The following ADAMTSL1 variants were observed in gnomAD, a reference collection of about 807,000 sequenced individuals.
ADAMTSL1 encodes ADAMTS-like protein 1.
In ADAMTSL1, 126 loss-of-function variants were observed where a neutral mutation model predicts 201.8. The observed-to-expected ratio is 0.62, with a 90% CI of 0.54 to 0.72. The LOEUF (loss-of-function observed/expected upper bound fraction) is 0.72. Among genes scored for constraint, ADAMTSL1 ranks in the 30% least tolerant of loss-of-function variants. ADAMTSL1 has a pLI of 0.00. For synonymous variants in ADAMTSL1, 1,121 were observed against 903.4 expected, an observed-to-expected ratio of 1.24 and a Z score of -4.32; for missense variants, 2,679 against 2,277.8, an observed-to-expected ratio of 1.18 and a Z score of -3.59.
At chr9:17,967,782 T>C (rs73416887) in intron 1 of ADAMTSL1, among the ~76,000 whole-genome samples, 12 of 152,234 alleles carry the variant, frequency 7.9e-5, no homozygotes, top group African/African-American at 2.9e-4. Context: ...TTGGTTCTTA[T>C]AGTAAATAAT....
intron 19 of ADAMTSL1, among the ~76,000 whole-genome samples, chr9:18,787,064 G>C (rs1318320381): frequency 6.6e-6 from 1 of 152,158 alleles, no homozygotes; most frequent in Non-Finnish European, 1.5e-5. Flanking sequence ...CTATGTACAA[G>C]TCATAAGCAC....
At chr9:18,301,273 T>C (rs1413757567) in intron 2 of ADAMTSL1, among the ~76,000 whole-genome samples, 1 of 152,178 alleles carries the variant, frequency 6.6e-6, no homozygotes, top group African/African-American at 2.4e-5. Context: ...GAAATACAGT[T>C]CATTAGAATA....
At chr9:18,164,756 A>G (rs1827559016) in intron 2 of ADAMTSL1, among the ~76,000 whole-genome samples, 1 of 151,872 alleles carries the variant, frequency 6.6e-6, no homozygotes, top group South Asian at 2.1e-4. Context: ...AATACCCCCA[A>G]AACAAACATA....
chr9:18,283,756 C>G (rs112843041), intron 2 of ADAMTSL1, among the ~76,000 whole-genome samples: 18,110 of 147,200 alleles, frequency 0.12, 1,204 homozygotes, highest in Middle Eastern at 0.18. Flanking sequence ...ACTAAAAATA[C>G]AAAAAATTAG....
chr9:17,960,214 G>C (rs1217879207), intron 1 of ADAMTSL1, among the ~76,000 whole-genome samples: 2 of 152,166 alleles, frequency 1.3e-5, no homozygotes, highest in African/African-American at 4.8e-5. Flanking sequence ...AAGGGACAAA[G>C]TGATAAAGGA....
At chr9:18,276,788 C>G (rs899515782) in intron 2 of ADAMTSL1, among the ~76,000 whole-genome samples, 1 of 152,162 alleles carries the variant, frequency 6.6e-6, no homozygotes, top group South Asian at 2.1e-4. Flanking sequence ...AAAGTGAGAA[C>G]TCACTCATTA....
chr9:17,940,864 G>A (rs962817232), intron 1 of ADAMTSL1, among the ~76,000 whole-genome samples: 2 of 129,404 alleles, frequency 1.5e-5, no homozygotes, highest in Admixed American at 9.5e-5. Flanking sequence ...CCCATGGCCC[G>A]AAGAGTGGTA....
intron 2 of ADAMTSL1, among the ~76,000 whole-genome samples, chr9:18,172,646 G>A (rs1827951414): frequency 6.6e-6 from 1 of 152,104 alleles, no homozygotes; most frequent in East Asian, 1.9e-4. Context: ...CCTTAGAGAA[G>A]CCCTTACACT....
chr9:18,850,937 T>C (rs1442429518), intron 23 of ADAMTSL1, among the ~76,000 whole-genome samples: 1 of 152,344 alleles, frequency 6.6e-6, no homozygotes, highest in East Asian at 1.9e-4. Flanking sequence ...TTAAATGAGA[T>C]GCCATATGCA....
chr9:18,526,384 CT>C (rs1007176911), intron 2 of ADAMTSL1, among the ~76,000 whole-genome samples: 14 of 152,278 alleles, frequency 9.2e-5, no homozygotes, highest in African/African-American at 3.4e-4. Context: ...GATCTTGGCT[CT>C]TTATCCAATT....
At chr9:18,248,435 C>G (rs1831342862) in intron 2 of ADAMTSL1, among the ~76,000 whole-genome samples, 1 of 152,006 alleles carries the variant, frequency 6.6e-6, no homozygotes, top group Non-Finnish European at 1.5e-5. Flanking sequence ...AGGAGCCCAT[C>G]CAGGGGCTAA....
chr9:18,326,258 C>T lies in ADAMTSL1; in HGVS notation c.207+162277C>T, dbSNP rs76175354. 9.0e-4 allele frequency among the ~76,000 whole-genome samples: 137 copies of T among 152,234 alleles called. 1 individual carries two copies. Among genetic ancestry groups the T allele is most frequent in the African/African-American group, 2.9e-3 (122 of 41,542 alleles). ...TTATCTATAGTAATTGGAATCAGAA[C>T]GGTGATTACCTCTAAGGAGGAGGGC... On this transcript the variant is annotated intron_variant, in intron 2 of 29. Transcript: ENST00000680146.
chr9:18,064,347 G>A (rs1271123993), intron 1 of ADAMTSL1, among the ~76,000 whole-genome samples: 1 of 152,198 alleles, frequency 6.6e-6, no homozygotes, highest in Non-Finnish European at 1.5e-5. Context: ...CTGTAAATTC[G>A]TGGTAGCCTG....
At chr9:17,952,957 T>TC (rs1554669704) in intron 1 of ADAMTSL1, among the ~76,000 whole-genome samples, 19 of 129,932 alleles carry the variant, frequency 1.5e-4, no homozygotes, top group Admixed American at 3.0e-4. Context: ...TCCTCCTCCT[T>TC]CTTCAGAATG....
At chr9:18,126,381 T>C (rs1049750398) in intron 1 of ADAMTSL1, among the ~76,000 whole-genome samples, 3 of 152,326 alleles carry the variant, frequency 2.0e-5, no homozygotes. Context: ...GTTCCAGTAT[T>C]ACCCTCCTCC....
At chr9:18,183,627 C>T (rs993427091) in intron 2 of ADAMTSL1, among the ~76,000 whole-genome samples, 4 of 152,082 alleles carry the variant, frequency 2.6e-5, no homozygotes, top group Admixed American at 6.6e-5. Flanking sequence ...TGCTATACAT[C>T]GTATGTCACT....
At chr9:18,529,439 G>C (rs118014989) in intron 2 of ADAMTSL1, among the ~76,000 whole-genome samples, 3 of 152,064 alleles carry the variant, frequency 2.0e-5, no homozygotes, top group Admixed American at 2.0e-4. Flanking sequence ...AGTTAGTCAC[G>C]CCTAGATTCC....
intron 15 of ADAMTSL1, among the ~76,000 whole-genome samples, chr9:18,731,774 AAGC>A (rs1818230775): frequency 6.6e-6 from 1 of 152,144 alleles, no homozygotes; most frequent in African/African-American, 2.4e-5. Flanking sequence ...CACATGGTGA[AAGC>A]AGGAGCAAGA....
chr9:18,446,834 A>C (rs1054347341), intron 2 of ADAMTSL1, among the ~76,000 whole-genome samples: 1 of 152,208 alleles, frequency 6.6e-6, no homozygotes, highest in African/African-American at 2.4e-5. Context: ...GACCATATCC[A>C]AAGAGAAGGT....
Sources: allele counts gnomAD v4.1 joint callset (sites outside exome capture counted in the v4.1 genomes callset), GRCh38; gene constraint gnomAD v4.1.1; transcripts MANE v1.5; gene names NCBI Gene and HGNC (gene_info 2026-07-23, HGNC 2026-07-21).